Variants in FMN2 observed in about 807,000 individuals in gnomAD.
FMN2 encodes the protein formin 2.
A neutral mutation model predicts 142.3 loss-of-function variants in FMN2; 51 were observed. The observed-to-expected ratio is 0.36, with a 90% CI of 0.29 to 0.45. The LOEUF (loss-of-function observed/expected upper bound fraction) is 0.45, where lower values mean the gene tolerates loss of function less well. Ranked by LOEUF, FMN2 falls within the 20% of genes least tolerant of loss-of-function variation. The pLI is 1.00. For synonymous variants in FMN2, 882 were observed against 869.8 expected (o/e 1.01, Z -0.25); for missense variants, 1,936 against 2,122.8 (o/e 0.91, Z 1.73).
intron 2 of FMN2, among the ~76,000 whole-genome samples, chr1:240,125,991 C>T (rs1295917685): frequency 6.6e-6 from 1 of 152,082 alleles, no homozygotes; most frequent in African/African-American, 2.4e-5. Context: ...CTCTCTACTC[C>T]CCCATCAAAG....
chr1:240,165,554 G>A (rs2103300168), intron 2 of FMN2, among the ~76,000 whole-genome samples: 2 of 151,924 alleles, frequency 1.3e-5, no homozygotes, highest in South Asian at 4.2e-4. Context: ...AACAATCTAG[G>A]ATCCCTGTGT....
At chr1:240,112,457 G>A (rs1410209683) in intron 1 of FMN2, among the ~76,000 whole-genome samples, 2 of 152,076 alleles carry the variant, frequency 1.3e-5, no homozygotes, top group Non-Finnish European at 2.9e-5. Flanking sequence ...TTCAGAAAAT[G>A]ATATTAGAGG....
In FMN2 at chr1:240,159,968, T is replaced by TACACACACAC. The variant is rs1420883044; in HGVS notation, c.1783-17952_1783-17951insCACACACACA. ...ATATATATCTATATCTGTGTATATA[T>TACACACACAC]ATATATACACACACACACACACACA... On this transcript the variant is annotated intron_variant, in intron 2 of 17. Coordinates refer to ENST00000319653, the MANE Select transcript of FMN2 (RefSeq NM_020066.5). 8.3e-4 allele frequency among the ~76,000 whole-genome samples: 92 copies of TACACACACAC among 111,138 alleles called. 1 individual carries two copies. Among genetic ancestry groups the TACACACACAC allele is most frequent in the African/African-American group, 3.6e-3 (85 of 23,596 alleles). The allele number at this position is 111,138 out of a possible 152,430, so 72.9% of individuals were successfully genotyped here.
Position 240,129,753 on chromosome 1 carries a change from C to CA in FMN2, c.1782+6409dup, listed in dbSNP as rs1242350618. 1.2e-4 allele frequency among the ~76,000 whole-genome samples: 18 copies of CA among 152,034 alleles called. 1 individual carries two copies. The highest frequency in any genetic ancestry group is 1.2e-3 in the Admixed American group (18 of 15,266). The stretch of plus-strand genomic sequence containing the variant: ...CCTGACCTCAAGTGATCCACCCCCT[C>CA]AGCCTCCCAAAGTGCTGGAATTACA... On this transcript the variant is annotated intron_variant, in intron 2 of 17. Coordinates refer to ENST00000319653, the MANE Select transcript of FMN2 (RefSeq NM_020066.5).
intron 14 of FMN2, among the ~76,000 whole-genome samples, chr1:240,387,489 A>C (rs2103090192): frequency 6.6e-6 from 1 of 152,352 alleles, no homozygotes; most frequent in Admixed American, 6.5e-5. Flanking sequence ...GGAGGGGACT[A>C]AGGAGCTATT....
intron 8 of FMN2, among the ~76,000 whole-genome samples, chr1:240,326,687 A>G (rs961004830): frequency 6.6e-5 from 10 of 151,094 alleles, no homozygotes; most frequent in Non-Finnish European, 1.3e-4. Context: ...AAACCTAATT[A>G]TGTCACCAAA....
intron 8 of FMN2, among the ~76,000 whole-genome samples, chr1:240,312,663 A>T (rs1385650698): frequency 2.6e-5 from 4 of 152,214 alleles, no homozygotes; most frequent in Non-Finnish European, 4.4e-5. Flanking sequence ...GATTTTAATG[A>T]TGGCATTGTT....
intron 6 of FMN2, among the ~76,000 whole-genome samples, chr1:240,213,740 G>GT (rs1250495405): frequency 6.6e-6 from 1 of 152,174 alleles, no homozygotes; most frequent in African/African-American, 2.4e-5. Flanking sequence ...TGGAAGTTCT[G>GT]TTTTTGTTTA....
intron 2 of FMN2, among the ~76,000 whole-genome samples, chr1:240,174,177 T>G (rs2103316371): frequency 6.6e-6 from 1 of 152,242 alleles, no homozygotes; most frequent in Non-Finnish European, 1.5e-5. Flanking sequence ...TGTGGCCAAT[T>G]TGGTTCTGCT....
chr1:240,210,013 C>T (rs777384060), intron 5 of FMN2, among the ~76,000 whole-genome samples: 1 of 152,188 alleles, frequency 6.6e-6, no homozygotes, highest in African/African-American at 2.4e-5. Context: ...ATACACATAT[C>T]CATACCCCAA....
intron 1 of FMN2, among the ~76,000 whole-genome samples, chr1:240,096,565 GGAACACTGGCATTGTC>G (rs1357940777): frequency 1.3e-5 from 2 of 152,106 alleles, no homozygotes; most frequent in Admixed American, 6.5e-5. Context: ...AGAGGCTTGG[GGAACACTGGCATTGTC>G]CTTAGGGAAA....
chr1:240,148,085 C>T (rs761876668), intron 2 of FMN2, among the ~76,000 whole-genome samples: 1 of 152,144 alleles, frequency 6.6e-6, no homozygotes, highest in African/African-American at 2.4e-5. Context: ...GTCAACAAAA[C>T]GTTTTCCCTG....
chr1:240,438,719 T>A (rs1675495267), intron 16 of FMN2, among the ~76,000 whole-genome samples: 1 of 152,146 alleles, frequency 6.6e-6, no homozygotes, highest in Non-Finnish European at 1.5e-5. Flanking sequence ...CCTTCTAAAA[T>A]AAATCTTTTC....
intron 2 of FMN2, chr1:240,171,219 G>A (rs1285321122): frequency 2.6e-6 from 2 of 779,572 alleles, no homozygotes; most frequent in Admixed American, 1.7e-5. Flanking sequence ...CTCACAATCT[G>A]TCTTTTGATG....
intron 6 of FMN2, among the ~76,000 whole-genome samples, chr1:240,226,630 T>C (rs994616995): frequency 6.6e-6 from 1 of 152,208 alleles, no homozygotes; most frequent in African/African-American, 2.4e-5. Flanking sequence ...CAAAACATAG[T>C]ATAATTACAT....
intron 6 of FMN2, among the ~76,000 whole-genome samples, chr1:240,236,791 C>T (rs779909330): frequency 2.6e-5 from 4 of 152,192 alleles, no homozygotes; most frequent in Non-Finnish European, 4.4e-5. Flanking sequence ...GACCCAGTCA[C>T]CTCTCGCTAG....
Position 240,091,939 on chromosome 1 carries a change from G to A in FMN2, c.-171G>A. 2.6e-6 allele frequency: 3 copies of A among 1,143,002 alleles called. No homozygotes were observed. The highest frequency in any genetic ancestry group is 3.5e-6 in the Non-Finnish European group (3 of 866,128). 70.8% of individuals were successfully genotyped at this position (1,143,002 alleles called of 1,614,324 possible). ...GAGCCGCCGCGCATTATGCAAAGCG[G>A]CGGCAGATGCGAGCGGGGCCAGCCG... is the stretch of plus-strand genomic sequence containing the variant. On this transcript the variant is annotated 5_prime_UTR_variant, in exon 1 of 18. Coordinates refer to ENST00000319653, the MANE Select transcript of FMN2 (RefSeq NM_020066.5).
intron 4 of FMN2, among the ~76,000 whole-genome samples, chr1:240,201,110 T>A (rs1173042454): frequency 3.3e-5 from 5 of 152,184 alleles, no homozygotes; most frequent in Admixed American, 2.6e-4. Context: ...GTACCCTCAA[T>A]TATCAAGTTG....
At chr1:240,385,352 T>A (rs900038946) in intron 14 of FMN2, among the ~76,000 whole-genome samples, 7 of 152,190 alleles carry the variant, frequency 4.6e-5, no homozygotes, top group Admixed American at 4.6e-4. Flanking sequence ...AGCCTGGTAT[T>A]AGTAAGTATG....
Sources: allele counts gnomAD v4.1 joint callset (sites outside exome capture counted in the v4.1 genomes callset), GRCh38; gene constraint gnomAD v4.1.1; transcripts MANE v1.5; gene names NCBI Gene and HGNC (gene_info 2026-07-23, HGNC 2026-07-21).